The following RALYL variants were observed in gnomAD, a reference collection of about 807,000 sequenced individuals.
RALYL encodes the protein RNA-binding Raly-like protein.
A neutral mutation model predicts 35.1 loss-of-function variants in RALYL; 29 were observed. The ratio of observed to expected loss-of-function variants is 0.83; its 90% CI spans 0.61 to 1.13. The LOEUF (loss-of-function observed/expected upper bound fraction) is 1.13, where lower values mean the gene tolerates loss of function less well. Ranked by LOEUF, RALYL falls within the 50% of genes most tolerant of loss-of-function variation. The probability of loss-of-function intolerance (pLI) is 0.00; values close to 1 mark genes in which losing one functional copy is unlikely to be tolerated. For missense variants in RALYL, 359 were observed against 360.4 expected (o/e 1.00, Z 0.03); for synonymous variants, 120 against 127.6 (o/e 0.94, Z 0.40).
intron 2 of RALYL, among the ~76,000 whole-genome samples, chr8:84,604,236 GTT>G (rs1158028130): frequency 6.6e-6 from 1 of 152,004 alleles, no homozygotes; most frequent in Admixed American, 6.6e-5. Flanking sequence ...TGTATTTTAG[GTT>G]GCTTGTAAGC....
At chr8:84,199,441 G>T (rs543264682) in intron 1 of RALYL, among the ~76,000 whole-genome samples, 1 of 152,022 alleles carries the variant, frequency 6.6e-6, no homozygotes, top group East Asian at 1.9e-4. Flanking sequence ...TCCAATCTAT[G>T]AGTTGTCTCC....
At chr8:84,467,178 C>T (rs1194303438) in intron 1 of RALYL, among the ~76,000 whole-genome samples, 1 of 152,130 alleles carries the variant, frequency 6.6e-6, no homozygotes, top group Non-Finnish European at 1.5e-5. Flanking sequence ...TTCTTGCCTT[C>T]TGCTAGCTTT....
intron 2 of RALYL, among the ~76,000 whole-genome samples, chr8:84,653,368 C>T (rs1588777147): frequency 2.6e-5 from 4 of 152,020 alleles, no homozygotes. Context: ...CATAGAGCTA[C>T]ACATGCAATG....
Position 84,446,407 on chromosome 8 carries a change from C to T in RALYL, c.-23-82892C>T, listed in dbSNP as rs545298414. On this transcript the variant is annotated intron_variant, in intron 1 of 8. Transcript: ENST00000521268. ...GCAAAAAAAAGGAAAAATACAGAAT[C>T]GTTATATTCATGGATCTAGCTCTGG... is the stretch of plus-strand genomic sequence containing the variant. 1.7e-3 allele frequency among the ~76,000 whole-genome samples: 252 copies of T among 151,952 alleles called. 1 individual carries two copies. The highest frequency in any genetic ancestry group is 1.7e-3 in the Non-Finnish European group (117 of 67,950).
chr8:84,643,290 T>C lies in RALYL; in HGVS notation c.256+113713T>C, dbSNP rs117248309. 1.4e-3 allele frequency among the ~76,000 whole-genome samples: 214 copies of C among 151,906 alleles called. 2 individuals carry two copies. The East Asian group carries it at 0.034, about 24-fold the overall frequency. On this transcript the variant is annotated intron_variant, in intron 2 of 8. Transcript: ENST00000521268. Reference sequence around the variant, plus strand: ...GCATAAAACACTCAAATGGTATCCCTAGCAGCCGAGTCTAAATAGAGAAGA... The same window carrying C: ...GCATAAAACACTCAAATGGTATCCCCAGCAGCCGAGTCTAAATAGAGAAGA...
At chr8:84,565,612 G>A (rs886436582) in intron 2 of RALYL, among the ~76,000 whole-genome samples, 2 of 151,502 alleles carry the variant, frequency 1.3e-5, no homozygotes, top group African/African-American at 4.8e-5. Context: ...AGGATTATTA[G>A]TTCAATGGAT....
intron 1 of RALYL, among the ~76,000 whole-genome samples, chr8:84,379,968 C>T (rs1857635796): frequency 6.6e-6 from 1 of 151,506 alleles, no homozygotes; most frequent in Non-Finnish European, 1.5e-5. Context: ...TGATGACTAA[C>T]CTGATTTCAC....
intron 1 of RALYL, among the ~76,000 whole-genome samples, chr8:84,448,340 G>A: frequency 6.6e-6 from 1 of 151,990 alleles, no homozygotes; most frequent in Non-Finnish European, 1.5e-5. Context: ...GAGAGTTTAA[G>A]CATGCTCCAA....
chr8:84,653,501 C>A (rs1020931344), intron 2 of RALYL, among the ~76,000 whole-genome samples: 1 of 152,042 alleles, frequency 6.6e-6, no homozygotes. Context: ...TCTCATAGGG[C>A]CTTTGCAATT....
At chr8:84,803,369 T>C (rs1823818127) in intron 3 of RALYL, among the ~76,000 whole-genome samples, 1 of 152,224 alleles carries the variant, frequency 6.6e-6, no homozygotes, top group African/African-American at 2.4e-5. Context: ...GCACTGGTCA[T>C]GTCTTATAAA....
rs191782961 is a variant in RALYL at position 84,349,897 on chromosome 8, C to T, written c.-24+165473C>T. Among the ~76,000 whole-genome samples the T allele has an allele frequency of 7.9e-4, 119 of 150,400 alleles. 6 individuals carry two copies. Among genetic ancestry groups the T allele is most frequent in the African/African-American group, 2.2e-3 (90 of 40,484 alleles). ...CTTGACCTTGCATCATTTTGGTCAT[C>T]ATTGTCTCTGCTGCTGTCACCAAGT... On this transcript the variant is annotated intron_variant, in intron 1 of 8. Transcript: ENST00000521268.
At chr8:84,454,468 A>G (rs2049907710) in intron 1 of RALYL, among the ~76,000 whole-genome samples, 1 of 152,060 alleles carries the variant, frequency 6.6e-6, no homozygotes, top group South Asian at 2.1e-4. Context: ...AGGAAGGGAT[A>G]ATGGAAGTAG....
chr8:84,841,152 A>C (rs1833217348), intron 4 of RALYL, among the ~76,000 whole-genome samples: 1 of 152,192 alleles, frequency 6.6e-6, no homozygotes, highest in Non-Finnish European at 1.5e-5. Flanking sequence ...TAAATGCTCC[A>C]ATTAAAAGAC....
intron 1 of RALYL, among the ~76,000 whole-genome samples, chr8:84,448,310 CGTT>C (rs1245269162): frequency 6.6e-6 from 1 of 151,958 alleles, no homozygotes; most frequent in Non-Finnish European, 1.5e-5. Flanking sequence ...AGCCATATAA[CGTT>C]GTGCCTGTGG....
chr8:84,830,236 A>G (rs889822912), intron 4 of RALYL, among the ~76,000 whole-genome samples: 15 of 152,170 alleles, frequency 9.9e-5, no homozygotes, highest in African/African-American at 3.1e-4. Context: ...TGCGAGTATT[A>G]ATTAGGAGGT....
chr8:84,850,255 G>A (rs1182391940), intron 5 of RALYL, among the ~76,000 whole-genome samples: 6 of 152,118 alleles, frequency 3.9e-5, no homozygotes, highest in Non-Finnish European at 7.4e-5. Flanking sequence ...TCAAACCTAA[G>A]ATTTGGTGTC....
At position 84,890,716 on chromosome 8, in the gene RALYL, G is replaced by T. The variant is rs138377249; in HGVS notation, c.858+2940G>T. Among the ~76,000 whole-genome samples, 90 of 152,122 alleles carry T rather than the reference G, an allele frequency of 5.9e-4. No individual in the cohort carries two copies. In the East Asian group the frequency reaches 0.017, roughly 29 times the overall value. ...ACTACTGTTATCACGTTATCAATCTGCCTTTTCTCCATTGGCTTTTATCAG... is the reference window on the plus strand; with the variant it reads ...ACTACTGTTATCACGTTATCAATCTTCCTTTTCTCCATTGGCTTTTATCAG... On this transcript the variant is annotated intron_variant, in intron 8 of 8. Transcript: ENST00000521268.
chr8:84,664,566 G>A (rs1271628984), intron 2 of RALYL, among the ~76,000 whole-genome samples: 1 of 151,810 alleles, frequency 6.6e-6, no homozygotes, highest in Non-Finnish European at 1.5e-5. Flanking sequence ...TGTATTCCTA[G>A]GTATTTTATT....
chr8:84,419,793 G>A (rs1379407257), intron 1 of RALYL, among the ~76,000 whole-genome samples: 2 of 147,658 alleles, frequency 1.4e-5, no homozygotes, highest in South Asian at 4.2e-4. Flanking sequence ...GAGAATATGC[G>A]GTATTTGTTT....
Sources: allele counts gnomAD v4.1 joint callset (sites outside exome capture counted in the v4.1 genomes callset), GRCh38; gene constraint gnomAD v4.1.1; transcripts MANE v1.5; gene names NCBI Gene and HGNC (gene_info 2026-07-23, HGNC 2026-07-21).